The following GAS6 variants were observed in gnomAD, a reference collection of about 807,000 sequenced individuals.
The protein encoded by GAS6 is growth arrest-specific protein 6.
GAS6 carries 41 observed loss-of-function variants against 75.8 expected under a neutral mutation model. That is an observed-to-expected ratio of 0.54 (90% confidence interval 0.42 to 0.70). The LOEUF (loss-of-function observed/expected upper bound fraction) is 0.70. Ranked by LOEUF, GAS6 falls within the 30% of genes least tolerant of loss-of-function variation. The probability of loss-of-function intolerance (pLI) is 0.00; values close to 1 mark genes in which losing one functional copy is unlikely to be tolerated. For missense variants in GAS6, 854 were observed against 940.2 expected, an observed-to-expected ratio of 0.91 and a Z score of 1.20; for synonymous variants, 432 against 412.6, an observed-to-expected ratio of 1.05 and a Z score of -0.57.
intron 8 of GAS6, chr13:113,833,196 C>A: frequency 9.0e-7 from 1 of 1,116,286 alleles, no homozygotes; most frequent in South Asian, 2.3e-5. Context: ...CCGGTGTGAG[C>A]TGACACCCCT....
intron 2 of GAS6, among the ~76,000 whole-genome samples, chr13:113,862,179 T>C (rs962541345): frequency 1.3e-5 from 2 of 152,184 alleles, no homozygotes; most frequent in African/African-American, 2.4e-5. Context: ...TCCAGTCTGA[T>C]TGACATGGGC....
At chr13:113,830,949 C>T (rs2051623180) in intron 10 of GAS6, among the ~76,000 whole-genome samples, 1 of 152,268 alleles carries the variant, frequency 6.6e-6, no homozygotes. Flanking sequence ...GATACTGCTC[C>T]TTTAAGAGGT....
chr13:113,845,548 A>G lies in GAS6; in HGVS notation c.343+979T>C, dbSNP rs915470879. 6.7e-6 allele frequency: 1 copy of G among 150,202 alleles called. No homozygotes were observed. Among genetic ancestry groups the G allele is most frequent in the Non-Finnish European group, 1.5e-5 (1 of 67,986 alleles). 9.3% of individuals were successfully genotyped at this position (150,202 alleles called of 1,614,324 possible). A position where few individuals can be genotyped will look rare whatever the true frequency, so the allele number is the denominator to read the frequency against. On this transcript the variant is annotated intron_variant, in intron 4 of 14. Coordinates refer to ENST00000327773, the MANE Select transcript of GAS6 (RefSeq NM_000820.4). The surrounding 1 kb of genome is among the most constrained non-coding windows in gnomAD (Gnocchi z 4.3). Reference sequence around the variant, plus strand: ...TCATACAGGACACCCAAAACAATCAATCTTATTGCATGATAATTTTAAAAT... The same window carrying G: ...TCATACAGGACACCCAAAACAATCAGTCTTATTGCATGATAATTTTAAAAT...
chr13:113,827,171 A>C lies in GAS6; in HGVS notation c.1309-7T>G. 1 of 1,608,522 alleles carries C rather than the reference A, an allele frequency of 6.2e-7. No homozygotes were observed. Among genetic ancestry groups the C allele is most frequent in the Non-Finnish European group, 8.5e-7 (1 of 1,176,664 alleles). ...CATCCAGACGAGGGTTTATCTGGAA[A>C]GGCAGAGAAATCTCCGTGGCTTCCT... On this transcript the variant is annotated splice_polypyrimidine_tract_variant and splice_region_variant and intron_variant, in intron 11 of 14. Coordinates refer to ENST00000327773, the MANE Select transcript of GAS6 (RefSeq NM_000820.4).
intron 2 of GAS6, among the ~76,000 whole-genome samples, chr13:113,857,265 C>T (rs568545042): frequency 4.6e-5 from 7 of 152,290 alleles, no homozygotes; most frequent in African/African-American, 1.4e-4. Flanking sequence ...AATCAACACC[C>T]GTCAGTCAGA....
chr13:113,822,100 C>T lies in GAS6; in HGVS notation c.1740G>A (p.Ser580=), dbSNP rs772453968. 8.1e-6 allele frequency: 13 copies of T among 1,599,568 alleles called. No homozygotes were observed. The highest frequency in any genetic ancestry group is 3.4e-4 in the Middle Eastern group (2 of 5,944). Residue 580 remains serine (S), a synonymous_variant, in exon 14 of 15, where the codon TCG becomes TCA. Coordinates refer to ENST00000327773, the MANE Select transcript of GAS6 (RefSeq NM_000820.4). ...CDGQEHVVTV[S]LRDGEATLEV... ...CCAGGGTGGCCTCACCGTCCCTCAG[C>T]GAGACGGTGACCACGTGCTCTTGGC...
intron 12 of GAS6, 144 bp downstream of exon 12, chr13:113,826,852 A>AACC: frequency 3.6e-5 from 2 of 55,496 alleles, no homozygotes; most frequent in South Asian, 2.1e-4. Context: ...ACCTCCGCCC[A>AACC]CCCCGCCCAC....
intron 2 of GAS6, among the ~76,000 whole-genome samples, chr13:113,862,766 G>A (rs1400537147): frequency 6.6e-6 from 1 of 152,208 alleles, no homozygotes; most frequent in East Asian, 1.9e-4. Flanking sequence ...TCCACCCCAG[G>A]AGAATTCTTT....
At chr13:113,861,891 C>T (rs2138670069) in intron 2 of GAS6, among the ~76,000 whole-genome samples, 1 of 152,294 alleles carries the variant, frequency 6.6e-6, no homozygotes, top group South Asian at 2.1e-4. Flanking sequence ...TGAAAAGAAG[C>T]CGACAGAGGC....
At chr13:113,861,890 G>A (rs2051974490) in intron 2 of GAS6, among the ~76,000 whole-genome samples, 2 of 152,214 alleles carry the variant, frequency 1.3e-5, no homozygotes, top group Admixed American at 1.3e-4. Context: ...CTGAAAAGAA[G>A]CCGACAGAGG....
chr13:113,828,815 G>A lies in GAS6; in HGVS notation c.1144-104C>T, dbSNP rs117377363. The A allele has an allele frequency of 4.5e-3, 5,994 of 1,320,136 alleles. 13 individuals carry two copies. The highest frequency in any genetic ancestry group is 5.5e-3 in the Non-Finnish European group (5,301 of 959,184). 81.8% of individuals were successfully genotyped at this position (1,320,136 alleles called of 1,614,324 possible). A position where few individuals can be genotyped will look rare whatever the true frequency, so the allele number is the denominator to read the frequency against. ...TCCTCTCCTGAGCCAAGAGGGTCCC[G>A]ACCTCGGGGAGGCCACCTGATCCTC... On this transcript the variant is annotated intron_variant, in intron 10 of 14. Coordinates refer to ENST00000327773, the MANE Select transcript of GAS6 (RefSeq NM_000820.4).
rs1047995402 is a variant in GAS6, at chr13:113,848,343, A to C, written c.256-293T>G. On this transcript the variant is annotated intron_variant, in intron 2 of 14. Coordinates refer to ENST00000327773, the MANE Select transcript of GAS6 (RefSeq NM_000820.4). The surrounding 1 kb of genome is among the most constrained non-coding windows in gnomAD (Gnocchi z 4.8). ...ACCCCACTCTTAGTTCCCTGTTGAC[A>C]TAAGGGTCTCTAAAACCCAAAGACC... is the stretch of plus-strand genomic sequence containing the variant. 6.6e-6 allele frequency among the ~76,000 whole-genome samples: 1 copy of C among 152,208 alleles called. No individual in the cohort carries two copies.
chr13:113,859,448 CTG>C (rs551233500), intron 2 of GAS6, among the ~76,000 whole-genome samples: 9 of 144,084 alleles, frequency 6.2e-5, no homozygotes, highest in East Asian at 2.1e-4. Flanking sequence ...CAGTGTGTGA[CTG>C]TGTGTACGTA....
rs1472857270 is a variant in GAS6 at position 113,863,196 on chromosome 13, C to G, written c.255+379G>C. 6.6e-6 allele frequency among the ~76,000 whole-genome samples: 1 copy of G among 152,226 alleles called. No homozygotes were observed. Among genetic ancestry groups the G allele is most frequent in the Non-Finnish European group, 1.5e-5 (1 of 68,040 alleles). On this transcript the variant is annotated intron_variant, in intron 2 of 14. Transcript: ENST00000327773. This position sits in a 1 kb window ranked among gnomAD's most constrained non-coding sequence, Gnocchi z 9.4. Reference sequence around the variant, plus strand: ...CTTTCGGGAGGGGACTGCTCTCCACCCCTCTCAGGAGGACGAGGCGCGGCC... The same window carrying G: ...CTTTCGGGAGGGGACTGCTCTCCACGCCTCTCAGGAGGACGAGGCGCGGCC...
Position 113,848,131 on chromosome 13 carries a change from A to T in GAS6, c.256-81T>A, listed in dbSNP as rs940580950. On this transcript the variant is annotated intron_variant, in intron 2 of 14. Transcript: ENST00000327773. The surrounding 1 kb of genome is among the most constrained non-coding windows in gnomAD (Gnocchi z 4.8). ...TGAACAACATAAGCATCAGCTGGTT[A>T]ATCAGAGGCTGCTCTCGGGGCAGCC... 2 of 1,481,422 alleles carry T rather than the reference A, an allele frequency of 1.4e-6. No homozygotes were observed. Among genetic ancestry groups the T allele is most frequent in the Admixed American group, 4.0e-5 (2 of 50,122 alleles). 91.8% of individuals were successfully genotyped at this position (1,481,422 alleles called of 1,614,324 possible).
chr13:113,820,824 T>G lies in GAS6; in HGVS notation c.*40A>C. 2 of 1,595,078 alleles carry G rather than the reference T, an allele frequency of 1.3e-6. No homozygotes were observed. The highest frequency in any genetic ancestry group is 1.7e-6 in the Non-Finnish European group (2 of 1,174,090). ...AGCCCCCAGGCTCCTCCCGGCTGTC[T>G]CGGACAGAGACTGAGAAGCCTGCCG... On this transcript the variant is annotated 3_prime_UTR_variant, in exon 15 of 15. Coordinates refer to ENST00000327773, the MANE Select transcript of GAS6 (RefSeq NM_000820.4).
At chr13:113,851,350 AATGG>A (rs1378931970) in intron 2 of GAS6, among the ~76,000 whole-genome samples, 1 of 126,668 alleles carries the variant, frequency 7.9e-6, no homozygotes, top group Non-Finnish European at 1.6e-5. Context: ...TGGGTGAGTG[AATGG>A]ATGAATGAAT....
At chr13:113,847,451 G>T (rs1391638889) in intron 3 of GAS6, among the ~76,000 whole-genome samples, 1 of 151,530 alleles carries the variant, frequency 6.6e-6, no homozygotes, top group Non-Finnish European at 1.5e-5. Context: ...CAGTTAAACG[G>T]GCTGACCCGG....
Position 113,848,007 on chromosome 13 carries a change from A to G in GAS6, c.280+19T>C. The G allele has an allele frequency of 6.2e-7, 1 of 1,610,440 alleles. No individual in the cohort carries two copies. The highest frequency in any genetic ancestry group is 2.2e-5 in the East Asian group (1 of 44,864). On this transcript the variant is annotated intron_variant, in intron 3 of 14. Coordinates refer to ENST00000327773, the MANE Select transcript of GAS6 (RefSeq NM_000820.4). This position sits in a 1 kb window ranked among gnomAD's most constrained non-coding sequence, Gnocchi z 4.8. Reference sequence around the variant, plus strand: ...TATGCCTCTACGACAACCAGAGTAGAGAAGTAATTGAGACTTACCTAAGTA... The same window carrying G: ...TATGCCTCTACGACAACCAGAGTAGGGAAGTAATTGAGACTTACCTAAGTA...
Sources: gnomAD v4.1 joint callset for allele counts (sites outside exome capture counted in the v4.1 genomes callset) on GRCh38, gnomAD v4.1.1 for gene constraint, Gnocchi (gnomAD v3.1) non-coding constraint, MANE v1.5 for transcripts, NCBI Gene and HGNC (gene_info 2026-07-23, HGNC 2026-07-21) for gene names.